ITGA11: variants seen among roughly 807,000 people sequenced by gnomAD.
The protein encoded by ITGA11 is integrin subunit alpha 11.
Under a neutral mutation model 141.9 loss-of-function variants are expected in ITGA11, and 97 were observed. That is an observed-to-expected ratio of 0.68 (90% CI 0.58 to 0.81). The LOEUF (loss-of-function observed/expected upper bound fraction) is 0.81. Among genes scored for constraint, ITGA11 ranks in the 30% least tolerant of loss-of-function variants. The pLI, the probability that ITGA11 is intolerant of heterozygous loss-of-function variation, is 0.00. For synonymous variants in ITGA11, 658 were observed against 624.6 expected (o/e 1.05, Z -0.80); for missense variants, 1,387 against 1,559.2 (o/e 0.89, Z 1.86).
chr15:68,410,978 C>A (rs1237086644), intron 1 of ITGA11, among the ~76,000 whole-genome samples: 1 of 152,204 alleles, frequency 6.6e-6, no homozygotes, highest in African/African-American at 2.4e-5. Context: ...CCCTGGGAAG[C>A]CCCCAGGCTG....
At chr15:68,419,759 G>C (rs1595900051) in intron 1 of ITGA11, among the ~76,000 whole-genome samples, 2 of 152,192 alleles carry the variant, frequency 1.3e-5, no homozygotes, top group African/African-American at 4.8e-5. Flanking sequence ...CTCTTGTTTA[G>C]CAGCAGATGT....
chr15:68,310,913 C>G, intron 26 of ITGA11, 81 bp downstream of exon 26: 2 of 1,051,230 alleles, frequency 1.9e-6, no homozygotes, highest in Non-Finnish European at 2.9e-6. Flanking sequence ...GCTATTGGGT[C>G]GGGAGGGAAA....
chr15:68,409,400 A>C (rs1896718186), intron 1 of ITGA11, among the ~76,000 whole-genome samples: 1 of 151,970 alleles, frequency 6.6e-6, no homozygotes, highest in Admixed American at 6.6e-5. Context: ...CCTTCTGAGA[A>C]TCTGTTCTCA....
intron 1 of ITGA11, among the ~76,000 whole-genome samples, chr15:68,415,085 C>T (rs1896857749): frequency 6.6e-6 from 1 of 152,218 alleles, no homozygotes; most frequent in Non-Finnish European, 1.5e-5. Flanking sequence ...TACTTCTCTG[C>T]CAAATGACTA....
chr15:68,315,579 A>G lies in ITGA11; in HGVS notation c.2792+72T>C, dbSNP rs553262947. On this transcript the variant is annotated intron_variant, in intron 22 of 29. Transcript: ENST00000315757. ...CAGCGGACTCAGTGTCGGGAGGAGC[A>G]GTTGCTAGCAGCCAGAGAGCTGGGC... 227 of 1,249,136 alleles carry G rather than the reference A, an allele frequency of 1.8e-4. No individual in the cohort carries two copies. In the African/African-American group the frequency reaches 3.0e-3, roughly 16 times the overall value. 77.4% of individuals were successfully genotyped at this position (1,249,136 alleles called of 1,614,324 possible).
rs960912494 is a variant in ITGA11, at chr15:68,300,109, A to G, written c.*2950T>C. On this transcript the variant is annotated 3_prime_UTR_variant, in exon 30 of 30. Coordinates refer to ENST00000315757, the MANE Select transcript of ITGA11 (RefSeq NM_001004439.2). Reference sequence around the variant, plus strand: ...AGCAGAATATTATAGCTATTATGTAATATTAAATCCAGATGGCTGTTCTAC... The same window carrying G: ...AGCAGAATATTATAGCTATTATGTAGTATTAAATCCAGATGGCTGTTCTAC... 2.0e-5 allele frequency: 3 copies of G among 152,244 alleles called. No individual in the cohort carries two copies. Among genetic ancestry groups the G allele is most frequent in the African/African-American group, 7.2e-5 (3 of 41,462 alleles). 9.4% of individuals were successfully genotyped at this position (152,244 alleles called of 1,614,324 possible).
chr15:68,311,024 C>A lies in ITGA11; in HGVS notation c.3144G>T (p.Val1048=). The part of the protein sequence containing the change: ...GNSTEYRPTP[V]EEDLRRAPQL... ...GTGGAGCACGACGCAAGTCTTCCTC[C>A]ACTGGGGTGGGCCGGTACTCAGTGC... Residue 1048 remains valine, a synonymous_variant, in exon 26 of 30, where the codon GTG becomes GTT. Coordinates refer to ENST00000315757, the MANE Select transcript of ITGA11 (RefSeq NM_001004439.2). 6.2e-7 allele frequency: 1 copy of A among 1,606,656 alleles called. No homozygotes were observed. Among genetic ancestry groups the A allele is most frequent in the East Asian group, 2.2e-5 (1 of 44,626 alleles).
At chr15:68,415,708 G>A (rs1399109821) in intron 1 of ITGA11, among the ~76,000 whole-genome samples, 1 of 152,198 alleles carries the variant, frequency 6.6e-6, no homozygotes, top group Non-Finnish European at 1.5e-5. Flanking sequence ...CCTCTCGAAT[G>A]TTAAGCATGT....
chr15:68,354,766 T>C (rs1895019144), intron 7 of ITGA11, among the ~76,000 whole-genome samples: 1 of 152,184 alleles, frequency 6.6e-6, no homozygotes, highest in African/African-American at 2.4e-5. Context: ...TGAACACTTG[T>C]CACAGCCCTC....
At chr15:68,426,860 C>T (rs1043251262) in intron 1 of ITGA11, among the ~76,000 whole-genome samples, 2 of 151,746 alleles carry the variant, frequency 1.3e-5, no homozygotes, top group African/African-American at 4.8e-5. Context: ...CCTAAAAATA[C>T]AAAAATTAGC....
In ITGA11 at chr15:68,324,891, A is replaced by G. The variant is rs572047700; in HGVS notation, c.2322+240T>C. ...CTCCCCTGTGCTGGGGATACGGGGA[A>G]ACTTGAACAGGAGAAGGCCTGGGCC... On this transcript the variant is annotated intron_variant, in intron 18 of 29. Coordinates refer to ENST00000315757, the MANE Select transcript of ITGA11 (RefSeq NM_001004439.2). The surrounding 1 kb of genome is among the most constrained non-coding windows in gnomAD (Gnocchi z 6.3). Among the ~76,000 whole-genome samples the G allele has an allele frequency of 1.3e-5, 2 of 152,254 alleles. No homozygotes were observed. Among genetic ancestry groups the G allele is most frequent in the Admixed American group, 6.5e-5 (1 of 15,304 alleles).
intron 1 of ITGA11, among the ~76,000 whole-genome samples, chr15:68,403,313 C>T (rs1896557598): frequency 6.6e-6 from 1 of 152,110 alleles, no homozygotes. Flanking sequence ...ACAGGATTCC[C>T]AATGTTGGAG....
intron 7 of ITGA11, among the ~76,000 whole-genome samples, chr15:68,354,376 G>C (rs1475174501): frequency 6.6e-6 from 1 of 152,078 alleles, no homozygotes; most frequent in Non-Finnish European, 1.5e-5. Context: ...GCTGTACATA[G>C]CTGCCAGGCT....
chr15:68,345,778 C>A (rs1280984208), intron 10 of ITGA11, among the ~76,000 whole-genome samples: 3 of 152,286 alleles, frequency 2.0e-5, no homozygotes, highest in East Asian at 3.9e-4. Context: ...TAGCCCTGAT[C>A]CCCAGAGAGG....
chr15:68,298,416 AAG>A lies in ITGA11; in HGVS notation c.*4641_*4642del, dbSNP rs957999865. The A allele has an allele frequency of 2.0e-5, 3 of 152,106 alleles. No homozygotes were observed. The highest frequency in any genetic ancestry group is 7.2e-5 in the African/African-American group (3 of 41,404). 9.4% of individuals were successfully genotyped at this position (152,106 alleles called of 1,614,324 possible). A position where few individuals can be genotyped will look rare whatever the true frequency, so the allele number is the denominator to read the frequency against. Reference sequence around the variant, plus strand: ...GCACCACAGATATGCATACAAAAATAAGAGAGACCAGTGTGGGCAACAAAGTG... The same window carrying A: ...GCACCACAGATATGCATACAAAAATAAGAGACCAGTGTGGGCAACAAAGTG... On this transcript the variant is annotated 3_prime_UTR_variant, in exon 30 of 30. Transcript: ENST00000315757.
chr15:68,344,491 A>C (rs1894679488), intron 10 of ITGA11, among the ~76,000 whole-genome samples: 1 of 152,120 alleles, frequency 6.6e-6, no homozygotes, highest in Non-Finnish European at 1.5e-5. Flanking sequence ...CCTCAATCCC[A>C]GGAGGGCCTG....
At chr15:68,306,631 C>T (rs1216240477) in intron 28 of ITGA11, among the ~76,000 whole-genome samples, 1 of 152,204 alleles carries the variant, frequency 6.6e-6, no homozygotes, top group Admixed American at 6.5e-5. Context: ...AAAAAAGCTC[C>T]TTAGGTGGAT....
intron 10 of ITGA11, among the ~76,000 whole-genome samples, chr15:68,341,228 C>T (rs941064910): frequency 6.6e-6 from 1 of 152,254 alleles, no homozygotes; most frequent in Non-Finnish European, 1.5e-5. Flanking sequence ...CTTCCTGCTA[C>T]TCTGTGCTCG....
chr15:68,321,641 G>A lies in ITGA11; in HGVS notation c.2323-138C>T. ...CTGTCCCCAGACACCACACTGCTCT[G>A]TCTTGTGCTTTTCCATAGATGCTTC... is the stretch of plus-strand genomic sequence containing the variant. On this transcript the variant is annotated intron_variant, in intron 18 of 29. Transcript: ENST00000315757. The surrounding 1 kb of genome is among the most constrained non-coding windows in gnomAD (Gnocchi z 4.9). 2.1e-6 allele frequency: 1 copy of A among 475,752 alleles called. No homozygotes were observed. The highest frequency in any genetic ancestry group is 3.8e-6 in the Non-Finnish European group (1 of 262,066). The allele number at this position is 475,752 out of a possible 1,614,324, so 29.5% of individuals were successfully genotyped here.
Sources: allele counts gnomAD v4.1 joint callset (sites outside exome capture counted in the v4.1 genomes callset), GRCh38; gene constraint gnomAD v4.1.1; non-coding constraint Gnocchi (gnomAD v3.1); transcripts MANE v1.5; gene names NCBI Gene and HGNC (gene_info 2026-07-23, HGNC 2026-07-21).